Variants in LRBA observed in about 807,000 individuals in gnomAD.
LRBA encodes LPS responsive beige-like anchor protein.
A neutral mutation model predicts 330.0 loss-of-function variants in LRBA; 176 were observed. That is an observed-to-expected ratio of 0.53 (90% CI 0.47 to 0.60). The LOEUF is 0.60. LRBA is among the 20% of genes least tolerant of loss of function. The pLI is 0.00. For missense variants in LRBA, 3,259 were observed against 3,444.8 expected, an observed-to-expected ratio of 0.95 and a Z score of 1.35; for synonymous variants, 1,230 against 1,193.0, an observed-to-expected ratio of 1.03 and a Z score of -0.64.
intron 37 of LRBA, among the ~76,000 whole-genome samples, chr4:150,676,324 TA>T (rs1215742347): frequency 6.6e-6 from 1 of 152,222 alleles, no homozygotes; most frequent in African/African-American, 2.4e-5. Context: ...CATTGCTTTT[TA>T]AGCTATTTAT....
chr4:150,319,874 C>T (rs146254544), intron 50 of LRBA, among the ~76,000 whole-genome samples: 63 of 152,254 alleles, frequency 4.1e-4, no homozygotes, highest in Middle Eastern at 3.4e-3. Flanking sequence ...GCATGAGGTC[C>T]TTGTTCAAGA....
intron 22 of LRBA, among the ~76,000 whole-genome samples, chr4:150,854,329 T>C (rs578148063): frequency 1.3e-5 from 2 of 152,342 alleles, no homozygotes; most frequent in South Asian, 4.1e-4. Flanking sequence ...AACAGTAAAA[T>C]GACATAATCA....
chr4:150,396,877 G>A (rs538280657), intron 47 of LRBA, among the ~76,000 whole-genome samples: 89 of 152,116 alleles, frequency 5.9e-4, no homozygotes, highest in Non-Finnish European at 6.5e-4. Flanking sequence ...ATATATAGAT[G>A]TTATTGGCTC....
rs1380334406 is a variant in LRBA, at chr4:150,683,599, A to G, written c.5873T>C (p.Ile1958Thr). The stretch of plus-strand genomic sequence containing the variant: ...TCCATGCTTGTCTGTGAGAATGTTG[A>G]TAATTTTCTGGATTAGTTGAGTTGC... ...VTATQLIQKI[I>T]NILTDKHGAW... The change falls in exon 37 of 57, where the codon ATC becomes ACC. Residue 1958 changes from isoleucine to threonine, a missense_variant. By Grantham distance (89) the Ile-to-Thr change is moderately conservative. Coordinates refer to ENST00000651943, the MANE Select transcript of LRBA (RefSeq NM_001364905.1). 6.2e-7 allele frequency: 1 copy of G among 1,613,896 alleles called. No individual in the cohort carries two copies. Among genetic ancestry groups the G allele is most frequent in the Non-Finnish European group, 8.5e-7 (1 of 1,179,884 alleles).
rs754799550 is a variant in LRBA, at chr4:150,416,649, AC to A, written c.7042-1060del. 2.6e-4 allele frequency among the ~76,000 whole-genome samples: 39 copies of A among 149,718 alleles called. 1 individual carries two copies. The highest frequency in any genetic ancestry group is 1.9e-3 in the South Asian group (9 of 4,734). ...ACTGAACAATTAAAAAAAAAAAAAG[AC>A]CTTATTTAAAGCTTAGCTATAAATA... On this transcript the variant is annotated intron_variant, in intron 46 of 56. Coordinates refer to ENST00000651943, the MANE Select transcript of LRBA (RefSeq NM_001364905.1).
intron 28 of LRBA, among the ~76,000 whole-genome samples, chr4:150,842,136 T>C (rs1749181773): frequency 6.6e-6 from 1 of 152,240 alleles, no homozygotes; most frequent in African/African-American, 2.4e-5. Flanking sequence ...GGAGATATTC[T>C]AATTGTTTGC....
intron 46 of LRBA, among the ~76,000 whole-genome samples, chr4:150,426,582 A>G (rs1749646752): frequency 6.6e-6 from 1 of 151,932 alleles, no homozygotes; most frequent in African/African-American, 2.4e-5. Context: ...CTATATATAC[A>G]TAAGATATTA....
chr4:150,985,116 A>G (rs567078787), intron 2 of LRBA, among the ~76,000 whole-genome samples: 1 of 152,162 alleles, frequency 6.6e-6, no homozygotes, highest in Non-Finnish European at 1.5e-5. Context: ...AAAATTAACC[A>G]GGCATGGTGA....
intron 44 of LRBA, among the ~76,000 whole-genome samples, chr4:150,460,605 A>C (rs1055618253): frequency 6.6e-6 from 1 of 151,746 alleles, no homozygotes; most frequent in Admixed American, 6.6e-5. Flanking sequence ...AAAAATTTAA[A>C]ATTCAGTTTT....
At chr4:150,845,771 C>G (rs2126891395) in intron 26 of LRBA, among the ~76,000 whole-genome samples, 1 of 152,326 alleles carries the variant, frequency 6.6e-6, no homozygotes, top group Non-Finnish European at 1.5e-5. Context: ...ATATGGAATA[C>G]AGCTTTGTCA....
chr4:150,912,908 T>C (rs541978638), intron 9 of LRBA, among the ~76,000 whole-genome samples: 1 of 152,314 alleles, frequency 6.6e-6, no homozygotes, highest in Non-Finnish European at 1.5e-5. Flanking sequence ...TGCTTACATT[T>C]TGATTTCTCT....
intron 24 of LRBA, among the ~76,000 whole-genome samples, chr4:150,850,418 C>G (rs1331737468): frequency 6.6e-6 from 1 of 152,006 alleles, no homozygotes; most frequent in Non-Finnish European, 1.5e-5. Context: ...TTTAATACTT[C>G]TAGTAATAAA....
intron 2 of LRBA, among the ~76,000 whole-genome samples, chr4:150,960,338 G>A (rs1738007420): frequency 6.7e-6 from 1 of 148,434 alleles, no homozygotes; most frequent in Non-Finnish European, 1.5e-5. Context: ...CAATTTGCAG[G>A]AAATACGGAG....
chr4:150,845,165 G>A (rs1291117705), intron 26 of LRBA, among the ~76,000 whole-genome samples: 3 of 152,094 alleles, frequency 2.0e-5, no homozygotes, highest in African/African-American at 7.2e-5. Context: ...AGAAAACAGG[G>A]AACAAAGTAC....
At chr4:150,939,349 T>G (rs923002195) in intron 2 of LRBA, among the ~76,000 whole-genome samples, 9 of 152,220 alleles carry the variant, frequency 5.9e-5, no homozygotes, top group African/African-American at 1.9e-4. Flanking sequence ...GCTCGACACA[T>G]GTACACAGAG....
At chr4:150,927,462 A>G (rs1734009602) in intron 4 of LRBA, among the ~76,000 whole-genome samples, 2 of 152,142 alleles carry the variant, frequency 1.3e-5, no homozygotes, top group Non-Finnish European at 2.9e-5. Flanking sequence ...AGAAAAGATC[A>G]GTTAACTTGA....
rs148117901 is a variant in LRBA, at chr4:150,835,237, G to A, written c.4570-3261C>T. On this transcript the variant is annotated intron_variant, in intron 28 of 56. Transcript: ENST00000651943. ...ATAGTATAGCTTGAAGTCAGGTAGT[G>A]TGATGCCTCCAGCTTTGTTCTTTTG... 6.5e-3 allele frequency among the ~76,000 whole-genome samples: 984 copies of A among 152,250 alleles called. 13 individuals are homozygous for A. Among genetic ancestry groups the A allele is most frequent in the African/African-American group, 0.022 (931 of 41,540 alleles).
chr4:150,866,185 T>A (rs1444269167), intron 22 of LRBA, among the ~76,000 whole-genome samples: 1 of 152,234 alleles, frequency 6.6e-6, no homozygotes, highest in East Asian at 1.9e-4. Context: ...GTATTCCTTC[T>A]GAGTAATGAA....
chr4:150,441,786 T>G (rs1202409414), intron 44 of LRBA, among the ~76,000 whole-genome samples: 1 of 94,670 alleles, frequency 1.1e-5, no homozygotes, highest in African/African-American at 2.8e-5. Context: ...TGTTATGTAT[T>G]TATATTTAAA....
Sources: allele counts gnomAD v4.1 joint callset (sites outside exome capture counted in the v4.1 genomes callset), GRCh38; gene constraint gnomAD v4.1.1; transcripts MANE v1.5; gene names NCBI Gene and HGNC (gene_info 2026-07-23, HGNC 2026-07-21).